Variants in FOXN3 observed in about 807,000 individuals in gnomAD.
FOXN3 encodes the protein forkhead box N3.
FOXN3 carries 7 observed loss-of-function variants against 38.4 expected under a neutral mutation model. That is an observed-to-expected ratio of 0.18 (90% CI 0.10 to 0.34). The LOEUF is 0.34. FOXN3 is among the 10% of genes least tolerant of loss of function. FOXN3 has a pLI of 1.00. For synonymous variants in FOXN3, 230 were observed against 242.2 expected (o/e 0.95, Z 0.47); for missense variants, 456 against 613.4 (o/e 0.74, Z 2.71).
chr14:89,252,654 CAAAAAA>C (rs397827971), intron 4 of FOXN3, among the ~76,000 whole-genome samples: 1 of 93,954 alleles, frequency 1.1e-5, no homozygotes. Context: ...AACTCTATCT[CAAAAAA>C]AAAAAAAAAA....
At chr14:89,305,153 C>T (rs976447728) in intron 3 of FOXN3, among the ~76,000 whole-genome samples, 3 of 152,072 alleles carry the variant, frequency 2.0e-5, no homozygotes, top group African/African-American at 7.2e-5. Context: ...ATCACACAGG[C>T]CGGGTGCTGG....
chr14:89,298,934 GC>G (rs1887133719), intron 3 of FOXN3, among the ~76,000 whole-genome samples: 1 of 151,432 alleles, frequency 6.6e-6, no homozygotes, highest in Admixed American at 6.6e-5. Flanking sequence ...CTTCTATGAG[GC>G]CCATGCCCAT....
chr14:89,360,747 TCCACCACCA>T (rs1382700548), intron 2 of FOXN3, among the ~76,000 whole-genome samples: 4 of 67,520 alleles, frequency 5.9e-5, no homozygotes, highest in African/African-American at 3.2e-4. Context: ...CAGCACCACC[TCCACCACCA>T]CCTCCACCAC....
chr14:89,547,992 G>C (rs1313003931), intron 1 of FOXN3, among the ~76,000 whole-genome samples: 1 of 152,198 alleles, frequency 6.6e-6, no homozygotes, highest in Non-Finnish European at 1.5e-5. Context: ...AACCCTAGGA[G>C]AGAAAGTAGG....
intron 1 of FOXN3, among the ~76,000 whole-genome samples, chr14:89,453,883 T>C (rs1892668578): frequency 6.6e-6 from 1 of 152,086 alleles, no homozygotes; most frequent in South Asian, 2.1e-4. Flanking sequence ...CCCCCAAAAT[T>C]CAGATGTTGA....
chr14:89,189,567 C>G (rs1355329503), intron 4 of FOXN3, among the ~76,000 whole-genome samples: 1 of 152,202 alleles, frequency 6.6e-6, no homozygotes, highest in Non-Finnish European at 1.5e-5. Context: ...CAACAGGGTT[C>G]TAGCTGGGTA....
At chr14:89,596,178 C>A (rs1467864116) in intron 1 of FOXN3, among the ~76,000 whole-genome samples, 1 of 152,162 alleles carries the variant, frequency 6.6e-6, no homozygotes, top group African/African-American at 2.4e-5. Flanking sequence ...CACTCTGTCA[C>A]CCAGGCTGGA....
chr14:89,382,587 G>A (rs776235093), intron 2 of FOXN3, among the ~76,000 whole-genome samples: 2 of 152,126 alleles, frequency 1.3e-5, no homozygotes, highest in African/African-American at 2.4e-5. Flanking sequence ...TTTCAGGTGG[G>A]GCAGGAAGCA....
chr14:89,420,885 T>TAAAAAAAAAAAAAAAAAA (rs10654363), upstream of FOXN3, among the ~76,000 whole-genome samples: 1 of 140,828 alleles, frequency 7.1e-6, no homozygotes, highest in South Asian at 2.2e-4. Context: ...AGATACGAAT[T>TAAAAAAAAAAAAAAAAAA]AAAAAAAAAA....
intron 3 of FOXN3, among the ~76,000 whole-genome samples, chr14:89,283,422 T>C (rs1437044823): frequency 2.0e-5 from 3 of 150,580 alleles, no homozygotes; most frequent in Non-Finnish European, 4.4e-5. Context: ...CAAGCTTGAT[T>C]TTTTCCCCCC....
rs112718241 is a variant in FOXN3, at chr14:89,164,909, A to C, written c.852-1940T>G. On this transcript the variant is annotated intron_variant, in intron 5 of 5. Transcript: ENST00000557258. This position sits in a 1 kb window ranked among gnomAD's most constrained non-coding sequence, Gnocchi z 4.3. ...AAAGAGTCCCTAATGAAAAGGGTGC[A>C]GTAGGGAGTGAGGCGAAGGAGCTGC... is the stretch of plus-strand genomic sequence containing the variant. 2.6e-3 allele frequency among the ~76,000 whole-genome samples: 399 copies of C among 152,060 alleles called. 5 individuals are homozygous for C. The highest frequency in any genetic ancestry group is 9.0e-3 in the African/African-American group (373 of 41,482).
intron 4 of FOXN3, among the ~76,000 whole-genome samples, chr14:89,214,307 C>G (rs1420801786): frequency 6.6e-6 from 1 of 152,216 alleles, no homozygotes; most frequent in Non-Finnish European, 1.5e-5. Context: ...TTTGTACGTG[C>G]AAGTCCCTAC....
At chr14:89,446,087 C>CAAAAAAAAAAAAAAAAAAAAAAAAAA (rs576883864) in intron 1 of FOXN3, among the ~76,000 whole-genome samples, 4 of 40,108 alleles carry the variant, frequency 1.0e-4, no homozygotes, top group African/African-American at 3.4e-4. Flanking sequence ...GACCCTGCCT[C>CAAAAAAAAAAAAAAAAAAAAAAAAAA]AAAAAAAAAA....
chr14:89,173,080 T>C (rs569130400), intron 5 of FOXN3, among the ~76,000 whole-genome samples: 17 of 152,286 alleles, frequency 1.1e-4, no homozygotes, highest in African/African-American at 4.1e-4. Context: ...ACAAGATTGA[T>C]ATGTAGACTA....
At chr14:89,534,262 C>T (rs1328357197) in intron 1 of FOXN3, among the ~76,000 whole-genome samples, 1 of 151,830 alleles carries the variant, frequency 6.6e-6, no homozygotes, top group African/African-American at 2.4e-5. Context: ...CGCACCACCA[C>T]ACCCAGCTAG....
chr14:89,413,423 C>T (rs1007490860), intron 1 of FOXN3, among the ~76,000 whole-genome samples: 2 of 152,004 alleles, frequency 1.3e-5, no homozygotes, highest in African/African-American at 4.8e-5. Flanking sequence ...CACTTGAGCC[C>T]AGGGGTTTGA....
intron 4 of FOXN3, among the ~76,000 whole-genome samples, chr14:89,277,685 A>G (rs1403317074): frequency 6.6e-6 from 1 of 152,198 alleles, no homozygotes. Context: ...AAATAAAGGT[A>G]CTAAGTTTCC....
intron 1 of FOXN3, among the ~76,000 whole-genome samples, chr14:89,449,483 A>G (rs556080413): frequency 6.6e-6 from 1 of 152,370 alleles, no homozygotes; most frequent in South Asian, 2.1e-4. Context: ...TTATCCATGA[A>G]AGAAATTTAA....
chr14:89,240,986 C>T (rs546392770), intron 4 of FOXN3, among the ~76,000 whole-genome samples: 20 of 152,216 alleles, frequency 1.3e-4, no homozygotes, highest in African/African-American at 3.9e-4. Flanking sequence ...TACTTGCCAC[C>T]CACAATAATC....
Sources: allele counts gnomAD v4.1 joint callset (sites outside exome capture counted in the v4.1 genomes callset), GRCh38; gene constraint gnomAD v4.1.1; non-coding constraint Gnocchi (gnomAD v3.1); transcripts MANE v1.5; gene names NCBI Gene and HGNC (gene_info 2026-07-23, HGNC 2026-07-21).